The following MAN1A2 variants were observed in gnomAD, a reference collection of about 807,000 sequenced individuals.
MAN1A2 encodes mannosyl-oligosaccharide 1,2-alpha-mannosidase IB.
Under a neutral mutation model 75.7 loss-of-function variants are expected in MAN1A2, and 26 were observed. That is an observed-to-expected ratio of 0.34 (90% CI 0.25 to 0.48). The LOEUF is 0.48. Among genes scored for constraint, MAN1A2 ranks in the 20% least tolerant of loss-of-function variants. The probability of loss-of-function intolerance (pLI) is 0.99; values close to 1 mark genes in which losing one functional copy is unlikely to be tolerated. For missense variants in MAN1A2, 562 were observed against 775.5 expected (o/e 0.72, Z 3.27); for synonymous variants, 247 against 264.6 (o/e 0.93, Z 0.65).
chr1:117,422,513 A>T (rs996424936), intron 5 of MAN1A2, among the ~76,000 whole-genome samples: 5 of 152,124 alleles, frequency 3.3e-5, no homozygotes, highest in Non-Finnish European at 5.9e-5. Context: ...GGTTAAGTGT[A>T]TATTTAACTT....
chr1:117,413,575 T>C (rs1479235838), intron 3 of MAN1A2, among the ~76,000 whole-genome samples: 2 of 151,826 alleles, frequency 1.3e-5, no homozygotes, highest in Non-Finnish European at 2.9e-5. Context: ...TTTCAGAGTT[T>C]TGGGGTATAA....
chr1:117,497,309 T>C (rs1651061420), intron 10 of MAN1A2, among the ~76,000 whole-genome samples: 1 of 152,024 alleles, frequency 6.6e-6, no homozygotes, highest in Non-Finnish European at 1.5e-5. Flanking sequence ...TAAAAACAGT[T>C]ACTTAAAAGA....
chr1:117,526,872 C>CTA lies in MAN1A2; in HGVS notation c.*3916_*3917insAT, dbSNP rs1255841115. The CTA allele has an allele frequency of 1.6e-4, 14 of 85,310 alleles. No homozygotes were observed. The highest frequency in any genetic ancestry group is 3.7e-4 in the South Asian group (1 of 2,720). 5.3% of individuals were successfully genotyped at this position (85,310 alleles called of 1,614,324 possible). On this transcript the variant is annotated 3_prime_UTR_variant, in exon 13 of 13. Coordinates refer to ENST00000356554, the MANE Select transcript of MAN1A2 (RefSeq NM_006699.5). ...TCTCTCTCTCTCTCTCTCTCTCTCTCTCTCTCTCTATATATATATATATAT... is the reference window on the plus strand; with the variant it reads ...TCTCTCTCTCTCTCTCTCTCTCTCTCTATCTCTCTCTATATATATATATATAT...
chr1:117,393,439 T>C (rs2101742751), intron 1 of MAN1A2, among the ~76,000 whole-genome samples: 1 of 152,296 alleles, frequency 6.6e-6, no homozygotes, highest in African/African-American at 2.4e-5. Context: ...TTGGCCTATA[T>C]TGTGCACAAG....
In MAN1A2 at chr1:117,434,555, A is replaced by G. The variant is rs369395336; in HGVS notation, c.856-7676A>G. ...ACTCAAAAGGATGTTTAATTGCAGT[A>G]CCGTTTGTAGTAGAAAATATTTGAA... On this transcript the variant is annotated intron_variant, in intron 5 of 12. Coordinates refer to ENST00000356554, the MANE Select transcript of MAN1A2 (RefSeq NM_006699.5). Among the ~76,000 whole-genome samples, 38 of 152,302 alleles carry G rather than the reference A, an allele frequency of 2.5e-4. 2 individuals carry two copies. Among genetic ancestry groups the G allele is most frequent in the African/African-American group, 8.7e-4 (36 of 41,568 alleles).
rs901371804 is a variant in MAN1A2 at position 117,374,257 on chromosome 1, C to T, written c.302+5772C>T. ...GGGTGTAGTTAGCTATGATTGTGTC[C>T]GTGCATTCCAGCCTGAGAGACAGAG... On this transcript the variant is annotated intron_variant, in intron 1 of 12. Transcript: ENST00000356554. Among the ~76,000 whole-genome samples the T allele has an allele frequency of 3.3e-5, 5 of 152,000 alleles. No individual in the cohort carries two copies. The East Asian group carries it at 5.8e-4, about 18-fold the overall frequency.
intron 1 of MAN1A2, among the ~76,000 whole-genome samples, chr1:117,400,325 CTT>C (rs760096598): frequency 1.3e-5 from 2 of 150,548 alleles, no homozygotes; most frequent in Admixed American, 1.3e-4. Context: ...GCTAATAACT[CTT>C]TTTTTTTCTC....
At chr1:117,457,134 A>G (rs535983868) in intron 6 of MAN1A2, among the ~76,000 whole-genome samples, 11 of 152,278 alleles carry the variant, frequency 7.2e-5, no homozygotes, top group Non-Finnish European at 1.3e-4. Context: ...AAGACTCATT[A>G]TCAAAACAAT....
chr1:117,373,120 T>G (rs1653021390), intron 1 of MAN1A2, among the ~76,000 whole-genome samples: 1 of 152,102 alleles, frequency 6.6e-6, no homozygotes, highest in Non-Finnish European at 1.5e-5. Flanking sequence ...CTTTAGTGAG[T>G]TTCTCAAGTT....
chr1:117,473,564 T>C (rs1425778575), intron 8 of MAN1A2, among the ~76,000 whole-genome samples: 2 of 151,994 alleles, frequency 1.3e-5, no homozygotes, highest in Non-Finnish European at 2.9e-5. Flanking sequence ...TATTATCTCT[T>C]TTCCTTCATT....
At chr1:117,517,085 AG>A (rs1651734246) in intron 12 of MAN1A2, among the ~76,000 whole-genome samples, 1 of 152,268 alleles carries the variant, frequency 6.6e-6, no homozygotes, top group South Asian at 2.1e-4. Flanking sequence ...GTACTCAGGA[AG>A]GTCCTGCCTC....
intron 12 of MAN1A2, among the ~76,000 whole-genome samples, chr1:117,512,806 T>G (rs1323701480): frequency 7.1e-6 from 1 of 140,810 alleles, no homozygotes; most frequent in Non-Finnish European, 1.5e-5. Flanking sequence ...CAAAGTGAAT[T>G]TCACTTCTAC....
Position 117,527,777 on chromosome 1 carries a change from C to G in MAN1A2, c.*4820C>G, listed in dbSNP as rs972621225. Reference sequence around the variant, plus strand: ...GATTGCTAGAGCTGCAGAAATTCACCCACTTGGGTACTCTTAGAGCTCTAC... The same window carrying G: ...GATTGCTAGAGCTGCAGAAATTCACGCACTTGGGTACTCTTAGAGCTCTAC... On this transcript the variant is annotated 3_prime_UTR_variant, in exon 13 of 13. Transcript: ENST00000356554. 6 of 152,030 alleles carry G rather than the reference C, an allele frequency of 3.9e-5. No individual in the cohort carries two copies. The allele number at this position is 152,030 out of a possible 1,614,324, so 9.4% of individuals were successfully genotyped here.
intron 5 of MAN1A2, among the ~76,000 whole-genome samples, chr1:117,437,295 A>G (rs1279407359): frequency 6.6e-6 from 1 of 152,210 alleles, no homozygotes; most frequent in Non-Finnish European, 1.5e-5. Context: ...CCAAAGAGAA[A>G]GGGCTGATTA....
At chr1:117,487,924 A>G (rs1468151989) in intron 8 of MAN1A2, among the ~76,000 whole-genome samples, 1 of 152,076 alleles carries the variant, frequency 6.6e-6, no homozygotes, top group African/African-American at 2.4e-5. Flanking sequence ...GCTTCTAACT[A>G]TAATCTATTG....
intron 5 of MAN1A2, among the ~76,000 whole-genome samples, chr1:117,438,100 A>G (rs1648903926): frequency 6.6e-6 from 1 of 152,238 alleles, no homozygotes; most frequent in African/African-American, 2.4e-5. Context: ...CATGTACCAC[A>G]TAACTGTGTT....
Position 117,502,970 on chromosome 1 carries a change from A to C in MAN1A2, c.1793A>C (p.Lys598Thr). Residue 598 changes from lysine (K) to threonine (T), a missense_variant and splice_region_variant, in exon 12 of 13, where the codon AAA (lysine) becomes ACA (threonine). Lys to Thr is a moderately conservative substitution (Grantham distance 78). Transcript: ENST00000356554. ...QQSFFLAETL[K>T]YLYLLFSGDD... ...AGCTTTTTTCTTGCTGAAACATTAA[A>C]GTAAGTATATAGCTTTAAAAAATAT... 1 of 1,530,832 alleles carries C rather than the reference A, an allele frequency of 6.5e-7. No homozygotes were observed. Among genetic ancestry groups the C allele is most frequent in the Non-Finnish European group, 9.0e-7 (1 of 1,114,022 alleles). The allele number at this position is 1,530,832 out of a possible 1,614,324, so 94.8% of individuals were successfully genotyped here. A position where few individuals can be genotyped will look rare whatever the true frequency, so the allele number is the denominator to read the frequency against.
In MAN1A2 at chr1:117,405,557, A is replaced by G; in HGVS notation, c.567A>G (p.Lys189=). ...AATTTTTCTCTTTTCAGATGATGAA[A>G]CATGCTTGGGATAACTATAGGACAT... The part of the protein sequence containing the change: ...EKREKIKEMM[K]HAWDNYRTYG... Residue 189 remains lysine (K), a synonymous_variant, in exon 3 of 13, where the codon AAA becomes AAG. Transcript: ENST00000356554. 2.5e-6 allele frequency: 4 copies of G among 1,592,324 alleles called. No homozygotes were observed. Among genetic ancestry groups the G allele is most frequent in the Non-Finnish European group, 2.6e-6 (3 of 1,160,746 alleles).
At chr1:117,419,057 A>G (rs965624420) in intron 4 of MAN1A2, among the ~76,000 whole-genome samples, 14 of 152,126 alleles carry the variant, frequency 9.2e-5, no homozygotes, top group African/African-American at 3.4e-4. Context: ...AAGTTTGACA[A>G]TTCTGGGTAC....
Sources: gnomAD v4.1 joint callset for allele counts (sites outside exome capture counted in the v4.1 genomes callset) on GRCh38, gnomAD v4.1.1 for gene constraint, MANE v1.5 for transcripts, NCBI Gene and HGNC (gene_info 2026-07-23, HGNC 2026-07-21) for gene names.